Variants in ATG10 observed in about 807,000 individuals in gnomAD.
The protein encoded by ATG10 is autophagy related 10, also known as ubiquitin-like-conjugating enzyme ATG10.
ATG10 carries 30 observed loss-of-function variants against 32.1 expected under a neutral mutation model. The ratio of observed to expected loss-of-function variants is 0.94; its 90% CI spans 0.70 to 1.27. The LOEUF is 1.27. Ranked by LOEUF, ATG10 falls within the 50% of genes most tolerant of loss-of-function variation. ATG10 has a pLI of 0.00. For synonymous variants in ATG10, 87 were observed against 91.5 expected, an observed-to-expected ratio of 0.95 and a Z score of 0.28; for missense variants, 233 against 262.3, an observed-to-expected ratio of 0.89 and a Z score of 0.77.
At chr5:82,193,133 C>T (rs746805667) in intron 5 of ATG10, among the ~76,000 whole-genome samples, 3 of 152,260 alleles carry the variant, frequency 2.0e-5, no homozygotes, top group South Asian at 2.1e-4. Context: ...CTCCCCCAAC[C>T]GTGCCATTAG....
At chr5:82,151,022 A>G (rs1767572710) in intron 3 of ATG10, among the ~76,000 whole-genome samples, 1 of 152,154 alleles carries the variant, frequency 6.6e-6, no homozygotes, top group African/African-American at 2.4e-5. Context: ...GCCAAGGATC[A>G]ATTTTGCCTT....
At chr5:82,154,428 C>T (rs756641786) in intron 3 of ATG10, among the ~76,000 whole-genome samples, 7 of 152,076 alleles carry the variant, frequency 4.6e-5, no homozygotes, top group Non-Finnish European at 7.4e-5. Context: ...TACCTATGTG[C>T]CAGATATACA....
At chr5:82,189,194 C>G (rs1744566712) in intron 5 of ATG10, among the ~76,000 whole-genome samples, 1 of 152,060 alleles carries the variant, frequency 6.6e-6, no homozygotes, top group South Asian at 2.1e-4. Flanking sequence ...CTATAACCAT[C>G]AAAGCAAGTG....
intron 3 of ATG10, among the ~76,000 whole-genome samples, chr5:82,120,515 A>G (rs1766002267): frequency 1.3e-5 from 2 of 152,248 alleles, no homozygotes; most frequent in Admixed American, 1.3e-4. Flanking sequence ...TTTTTGATTT[A>G]GGCAAATCTT....
At chr5:82,206,785 A>G (rs1018461771) in intron 5 of ATG10, among the ~76,000 whole-genome samples, 5 of 152,152 alleles carry the variant, frequency 3.3e-5, no homozygotes, top group African/African-American at 1.2e-4. Flanking sequence ...CCTACTCCCA[A>G]TCACTTTCTC....
intron 3 of ATG10, among the ~76,000 whole-genome samples, chr5:82,155,811 T>C (rs1028810941): frequency 6.6e-6 from 1 of 152,198 alleles, no homozygotes; most frequent in African/African-American, 2.4e-5. Flanking sequence ...GACTGCCTTA[T>C]AAGGCAAGTT....
intron 2 of ATG10, among the ~76,000 whole-genome samples, chr5:82,021,819 T>C (rs1762446802): frequency 6.6e-6 from 1 of 150,814 alleles, no homozygotes; most frequent in Non-Finnish European, 1.5e-5. Flanking sequence ...GGTCAAGAGA[T>C]TGAGACCATC....
intron 5 of ATG10, among the ~76,000 whole-genome samples, chr5:82,213,006 C>A (rs1745550324): frequency 6.6e-6 from 1 of 152,212 alleles, no homozygotes; most frequent in Non-Finnish European, 1.5e-5. Context: ...CTCAAACTTT[C>A]AGGTAGTCCA....
intron 5 of ATG10, among the ~76,000 whole-genome samples, chr5:82,235,231 C>G (rs1313841980): frequency 2.0e-5 from 3 of 152,116 alleles, no homozygotes; most frequent in African/African-American, 7.2e-5. Context: ...CCTAGGGAAG[C>G]AGGTGGTGCT....
rs934210830 is a variant in ATG10 at position 81,997,583 on chromosome 5, C to T, written c.108+9905C>T. 3.9e-5 allele frequency among the ~76,000 whole-genome samples: 6 copies of T among 152,080 alleles called. No homozygotes were observed. In the South Asian group the frequency reaches 6.2e-4, roughly 16 times the overall value. On this transcript the variant is annotated intron_variant, in intron 2 of 7. Transcript: ENST00000282185. The stretch of plus-strand genomic sequence containing the variant: ...TAATTCAGAATACGGATAGGAATGA[C>T]GATCATTGAGATTCAGAAGGAAATT...
intron 3 of ATG10, among the ~76,000 whole-genome samples, chr5:82,095,833 G>A (rs1179484650): frequency 6.6e-6 from 1 of 152,134 alleles, no homozygotes; most frequent in Non-Finnish European, 1.5e-5. Context: ...CTAGGGATAA[G>A]CTGGCTCTGA....
intron 5 of ATG10, among the ~76,000 whole-genome samples, chr5:82,235,610 A>G (rs1746523719): frequency 6.6e-6 from 1 of 152,202 alleles, no homozygotes; most frequent in African/African-American, 2.4e-5. Context: ...GGGCCGAATA[A>G]ACATTCTTCT....
chr5:81,985,900 C>T (rs1761251990), intron 1 of ATG10, among the ~76,000 whole-genome samples: 1 of 152,148 alleles, frequency 6.6e-6, no homozygotes, highest in African/African-American at 2.4e-5. Flanking sequence ...GTAGCTGGGA[C>T]TACAGGCGCC....
chr5:82,193,730 C>G (rs999497241), intron 5 of ATG10, among the ~76,000 whole-genome samples: 5 of 152,212 alleles, frequency 3.3e-5, no homozygotes, highest in Non-Finnish European at 4.4e-5. Flanking sequence ...TCGCCAAAGT[C>G]TATCTCATTG....
At chr5:82,223,553 G>T in intron 5 of ATG10, among the ~76,000 whole-genome samples, 1 of 152,134 alleles carries the variant, frequency 6.6e-6, no homozygotes, top group East Asian at 1.9e-4. Context: ...AACAAATAGA[G>T]ATTTAGTGGT....
chr5:82,021,179 G>A (rs1762421958), intron 2 of ATG10, among the ~76,000 whole-genome samples: 1 of 152,024 alleles, frequency 6.6e-6, no homozygotes, highest in African/African-American at 2.4e-5. Context: ...TAAATTTGTT[G>A]TATCAGAAAA....
At chr5:82,120,021 C>T (rs575493188) in intron 3 of ATG10, among the ~76,000 whole-genome samples, 24 of 145,610 alleles carry the variant, frequency 1.6e-4, no homozygotes, top group East Asian at 1.2e-3. Context: ...TGTGTGTGTA[C>T]GCACGCACAT....
chr5:82,143,081 A>G (rs954549895), intron 3 of ATG10, among the ~76,000 whole-genome samples: 10 of 152,244 alleles, frequency 6.6e-5, no homozygotes, highest in African/African-American at 9.6e-5. Context: ...ACTATCAGCA[A>G]TGGAGTGGTT....
chr5:82,082,227 C>T (rs1011835028), intron 3 of ATG10, among the ~76,000 whole-genome samples: 4 of 152,166 alleles, frequency 2.6e-5, no homozygotes, highest in Non-Finnish European at 5.9e-5. Context: ...GCCCTCTAAA[C>T]ATCTGTCATA....
Sources: allele counts gnomAD v4.1 joint callset (sites outside exome capture counted in the v4.1 genomes callset), GRCh38; gene constraint gnomAD v4.1.1; transcripts MANE v1.5; gene names NCBI Gene and HGNC (gene_info 2026-07-23, HGNC 2026-07-21).